The following RAPGEFL1 variants were observed in gnomAD, a reference collection of about 807,000 sequenced individuals.
RAPGEFL1 encodes rap guanine nucleotide exchange factor-like 1.
In RAPGEFL1, 31 loss-of-function variants were observed where a neutral mutation model predicts 64.4. That is an observed-to-expected ratio of 0.48 (90% CI 0.36 to 0.65). The LOEUF (loss-of-function observed/expected upper bound fraction) is 0.65. RAPGEFL1 is among the 30% of genes least tolerant of loss of function. RAPGEFL1 has a pLI of 0.00. For synonymous variants in RAPGEFL1, 331 were observed against 274.1 expected (o/e 1.21, Z -2.05); for missense variants, 682 against 677.4 (o/e 1.01, Z -0.08).
At position 40,191,869 on chromosome 17, in the gene RAPGEFL1, C is replaced by T. The variant is rs1032943042; in HGVS notation, c.1605+197C>T. On this transcript the variant is annotated intron_variant, in intron 10 of 14. Coordinates refer to ENST00000620260, the MANE Select transcript of RAPGEFL1 (RefSeq NM_016339.6). This position sits in a 1 kb window ranked among gnomAD's most constrained non-coding sequence, Gnocchi z 5.1. ...TCTTTGTGCAAATTAGTGAAAAGCC[C>T]GGATCCCGCCTGAGTCACGGCAGGC... 1.3e-5 allele frequency among the ~76,000 whole-genome samples: 2 copies of T among 152,214 alleles called. No individual in the cohort carries two copies. Among genetic ancestry groups the T allele is most frequent in the Non-Finnish European group, 2.9e-5 (2 of 68,038 alleles).
At position 40,188,888 on chromosome 17, in the gene RAPGEFL1, C is replaced by T. The variant is rs1990165509; in HGVS notation, c.856C>T (p.Pro286Ser). The change falls in exon 5 of 15, where the codon CCC becomes TCC. Residue 286 changes from proline to serine, a missense_variant. This residue lies in a region of RAPGEFL1 where 411 missense variants were observed against 519.4 expected (regional missense o/e 0.79). Coordinates refer to ENST00000620260, the MANE Select transcript of RAPGEFL1 (RefSeq NM_016339.6). ...ELKIPEENQPPSKQVKPLFRH... is the reference protein window; with the variant it reads ...ELKIPEENQPSSKQVKPLFRH... ...CAGGATTCCAGAGGAGAACCAGCCA[C>T]CCAGCAAGCAGGTGAAGCCACTCTT... The T allele has an allele frequency of 6.2e-7, 1 of 1,614,140 alleles. No homozygotes were observed. Among genetic ancestry groups the T allele is most frequent in the East Asian group, 2.2e-5 (1 of 44,880 alleles).
At position 40,194,035 on chromosome 17, in the gene RAPGEFL1, A is replaced by G. The variant is rs1243567741; in HGVS notation, c.*247A>G. ...GTCCCCTCTGAGAAAGGGGATAGAA[A>G]GCTCCTTCCTCTATGTCCTCCCATC... On this transcript the variant is annotated 3_prime_UTR_variant, in exon 15 of 15. Coordinates refer to ENST00000620260, the MANE Select transcript of RAPGEFL1 (RefSeq NM_016339.6). 1.7e-5 allele frequency: 8 copies of G among 459,590 alleles called. No homozygotes were observed. The highest frequency in any genetic ancestry group is 4.1e-5 in the East Asian group (1 of 24,252). The allele number at this position is 459,590 out of a possible 1,614,324, so 28.5% of individuals were successfully genotyped here.
intron 1 of RAPGEFL1, among the ~76,000 whole-genome samples, 191 bp downstream of exon 1, chr17:40,178,572 C>G (rs1363935470): frequency 6.6e-6 from 1 of 152,176 alleles, no homozygotes; most frequent in Non-Finnish European, 1.5e-5. Flanking sequence ...CACCTTCCTC[C>G]CTACAGCAGC....
Position 40,177,857 on chromosome 17 carries a change from G to A in RAPGEFL1, c.-5G>A. On this transcript the variant is annotated 5_prime_UTR_variant, in exon 1 of 15. Coordinates refer to ENST00000620260, the MANE Select transcript of RAPGEFL1 (RefSeq NM_016339.6). ...GCGACCCCTAGGAGAGGGGCGGGGG[G>A]GGGCATGAAGCCGCTGGAGAAATTT... The A allele has an allele frequency of 4.7e-6, 2 of 428,036 alleles. No individual in the cohort carries two copies. Among genetic ancestry groups the A allele is most frequent in the East Asian group, 3.6e-5 (1 of 28,084 alleles). The allele number at this position is 428,036 out of a possible 1,614,324, so 26.5% of individuals were successfully genotyped here. A position where few individuals can be genotyped will look rare whatever the true frequency, so the allele number is the denominator to read the frequency against.
At chr17:40,179,061 C>T (rs1269929343) in intron 1 of RAPGEFL1, among the ~76,000 whole-genome samples, 1 of 151,244 alleles carries the variant, frequency 6.6e-6, no homozygotes, top group Non-Finnish European at 1.5e-5. Context: ...GGCCTCAGCA[C>T]CCGGCTTTTT....
In RAPGEFL1 at chr17:40,177,566, C is replaced by T. The variant is rs888046369; in HGVS notation, c.-296C>T. ...CCGCCCGCTGCCTCTGCCGCCGCAG[C>T]GCAGAGCCGGGCGCACCGGCCCCGC... On this transcript the variant is annotated 5_prime_UTR_variant, in exon 1 of 15. Coordinates refer to ENST00000620260, the MANE Select transcript of RAPGEFL1 (RefSeq NM_016339.6). 3 of 440,674 alleles carry T rather than the reference C, an allele frequency of 6.8e-6. No homozygotes were observed. The highest frequency in any genetic ancestry group is 9.0e-5 in the Admixed American group (2 of 22,186). 27.3% of individuals were successfully genotyped at this position (440,674 alleles called of 1,614,324 possible). A position where few individuals can be genotyped will look rare whatever the true frequency, so the allele number is the denominator to read the frequency against.
At chr17:40,185,993 G>A (rs998328056) in intron 4 of RAPGEFL1, among the ~76,000 whole-genome samples, 1 of 150,474 alleles carries the variant, frequency 6.6e-6, no homozygotes, top group African/African-American at 2.4e-5. Context: ...CGGGTGCGGT[G>A]GCTCACGCCT....
rs147032804 is a variant in RAPGEFL1 at position 40,192,262 on chromosome 17, C to G, written c.1655C>G (p.Thr552Arg). The G allele has an allele frequency of 5.0e-6, 8 of 1,613,834 alleles. No individual in the cohort carries two copies. Among genetic ancestry groups the G allele is most frequent in the Non-Finnish European group, 5.9e-6 (7 of 1,179,752 alleles). The change falls in exon 11 of 15, where the codon ACG becomes AGG. Residue 552 changes from threonine to arginine, a missense_variant and splice_region_variant. Around this residue, in one of 2 missense-constraint regions of RAPGEFL1, gnomAD observed 411 missense variants for 519.4 expected, o/e 0.79. Coordinates refer to ENST00000620260, the MANE Select transcript of RAPGEFL1 (RefSeq NM_016339.6). ...TTGTTTCGCAAATTTGAGAACCTGA[C>G]GGTGAGTGGGTTTGGCTCTTTCTTC... ...KNLFRKFENL[T>R]DPCRNHKSYR...
rs1989744360 is a variant in RAPGEFL1, at chr17:40,177,494, G to A, written c.-368G>A. On this transcript the variant is annotated 5_prime_UTR_variant, in exon 1 of 15. Transcript: ENST00000620260. Reference sequence around the variant, plus strand: ...ACCTTCCCCCTCTTCACGGCCAGGAGCGCAGCCGCCGCCGCCGCCGCCGCC... The same window carrying A: ...ACCTTCCCCCTCTTCACGGCCAGGAACGCAGCCGCCGCCGCCGCCGCCGCC... 11 of 610,688 alleles carry A rather than the reference G, an allele frequency of 1.8e-5. No individual in the cohort carries two copies. Among genetic ancestry groups the A allele is most frequent in the Non-Finnish European group, 3.2e-5 (11 of 344,810 alleles). 37.8% of individuals were successfully genotyped at this position (610,688 alleles called of 1,614,324 possible). A position where few individuals can be genotyped will look rare whatever the true frequency, so the allele number is the denominator to read the frequency against.
Position 40,193,994 on chromosome 17 carries a change from C to T in RAPGEFL1, c.*206C>T. On this transcript the variant is annotated 3_prime_UTR_variant, in exon 15 of 15. Transcript: ENST00000620260. ...CCATTGCTCCTTCAAGCCAAAACTA[C>T]ACTTTGCTGGTTCCTGTCCCCTCTG... 3.3e-6 allele frequency: 2 copies of T among 604,220 alleles called. No homozygotes were observed. Among genetic ancestry groups the T allele is most frequent in the East Asian group, 6.2e-5 (2 of 32,088 alleles). The allele number at this position is 604,220 out of a possible 1,614,324, so 37.4% of individuals were successfully genotyped here. A position where few individuals can be genotyped will look rare whatever the true frequency, so the allele number is the denominator to read the frequency against.
At position 40,193,752 on chromosome 17, in the gene RAPGEFL1, C is replaced by G; in HGVS notation, c.1953C>G (p.Phe651Leu). Reference sequence around the variant, plus strand: ...TCATCGACAACCAGAACCTCCTCTTCGAGCTCTCCTACAAGCTGGAGGCAA... The same window carrying G: ...TCATCGACAACCAGAACCTCCTCTTGGAGCTCTCCTACAAGCTGGAGGCAA... Reference protein sequence around the residue: ...FQVIDNQNLLFELSYKLEANS... With the variant: ...FQVIDNQNLLLELSYKLEANS... The change falls in exon 15 of 15, where the codon TTC (phenylalanine) becomes TTG (leucine). Residue 651 changes from phenylalanine (F) to leucine (L), a missense_variant. Physicochemically the swap from Phe to Leu is conservative, Grantham distance 22. This residue lies in a region of RAPGEFL1 where 411 missense variants were observed against 519.4 expected (regional missense o/e 0.79). Coordinates refer to ENST00000620260, the MANE Select transcript of RAPGEFL1 (RefSeq NM_016339.6). The G allele has an allele frequency of 6.2e-7, 1 of 1,614,086 alleles. No homozygotes were observed. The highest frequency in any genetic ancestry group is 8.5e-7 in the Non-Finnish European group (1 of 1,180,018).
chr17:40,183,770 C>G (rs1273803659), intron 2 of RAPGEFL1, among the ~76,000 whole-genome samples: 1 of 150,166 alleles, frequency 6.7e-6, no homozygotes, highest in Non-Finnish European at 1.5e-5. Context: ...ATCCACCTGC[C>G]TCAGCCTTGC....
Position 40,193,920 on chromosome 17 carries a change from GA to G in RAPGEFL1, c.*133del. The G allele has an allele frequency of 7.9e-7, 1 of 1,265,422 alleles. No individual in the cohort carries two copies. 78.4% of individuals were successfully genotyped at this position (1,265,422 alleles called of 1,614,324 possible). A position where few individuals can be genotyped will look rare whatever the true frequency, so the allele number is the denominator to read the frequency against. ...CTGCTCCACGGGAAAGAGGTCGATG[GA>G]TTTACCCCTGGACCCATAAGTCTGT... On this transcript the variant is annotated 3_prime_UTR_variant, in exon 15 of 15. Transcript: ENST00000620260.
At chr17:40,186,165 T>C (rs972797061) in intron 4 of RAPGEFL1, among the ~76,000 whole-genome samples, 13 of 150,560 alleles carry the variant, frequency 8.6e-5, no homozygotes, top group Admixed American at 5.3e-4. Context: ...TCCCAGCTAC[T>C]CAAGAGGCTG....
chr17:40,192,902 T>C, intron 12 of RAPGEFL1, 24 bp from the exon 13 acceptor site: 4 of 1,592,952 alleles, frequency 2.5e-6, no homozygotes, highest in East Asian at 2.2e-5. Context: ...TTTCCTCACA[T>C]TGGATTCTCT....
intron 4 of RAPGEFL1, among the ~76,000 whole-genome samples, chr17:40,187,894 T>G (rs1990130843): frequency 6.8e-6 from 1 of 147,654 alleles, no homozygotes; most frequent in Non-Finnish European, 1.5e-5. Context: ...ATTACAGGCG[T>G]GAGCCACCGC....
intron 14 of RAPGEFL1, 99 bp from the exon 15 acceptor site, chr17:40,193,565 A>G (rs564683825): frequency 6.3e-7 from 1 of 1,597,422 alleles, no homozygotes; most frequent in East Asian, 2.2e-5. Context: ...TTCCTGCCCA[A>G]CATCTGTCTC....
Position 40,192,906 on chromosome 17 carries a change from A to T in RAPGEFL1, c.1745-20A>T. Reference sequence around the variant, plus strand: ...CTCTCTTATCCTTTCCTCACATTGGATTCTCTCCACATCCCCTAGACCTGA... The same window carrying T: ...CTCTCTTATCCTTTCCTCACATTGGTTTCTCTCCACATCCCCTAGACCTGA... On this transcript the variant is annotated intron_variant, in intron 12 of 14. Transcript: ENST00000620260. 2 of 1,599,936 alleles carry T rather than the reference A, an allele frequency of 1.3e-6. No homozygotes were observed. Among genetic ancestry groups the T allele is most frequent in the Non-Finnish European group, 1.7e-6 (2 of 1,167,224 alleles).
intron 6 of RAPGEFL1, among the ~76,000 whole-genome samples, chr17:40,189,666 A>AT (rs1990194355): frequency 6.6e-6 from 1 of 152,122 alleles, no homozygotes; most frequent in African/African-American, 2.4e-5. Context: ...ACTGCGCCCT[A>AT]TCCTGGGCAA....
Sources: gnomAD v4.1 joint callset for allele counts (sites outside exome capture counted in the v4.1 genomes callset) on GRCh38, gnomAD v4.1.1 for gene constraint, gnomAD v4.1.1 regional missense constraint, Gnocchi (gnomAD v3.1) non-coding constraint, MANE v1.5 for transcripts, NCBI Gene and HGNC (gene_info 2026-07-23, HGNC 2026-07-21) for gene names.